GBE1: variants seen among roughly 807,000 people sequenced by gnomAD.
GBE1 encodes 1,4-alpha-glucan branching enzyme 1, also known as 1,4-alpha-glucan-branching enzyme.
Under a neutral mutation model 88.8 loss-of-function variants are expected in GBE1, and 70 were observed. The ratio of observed to expected loss-of-function variants is 0.79; its 90% CI spans 0.65 to 0.96. The LOEUF is 0.96. Among genes scored for constraint, GBE1 ranks in the 40% least tolerant of loss-of-function variants. The probability of loss-of-function intolerance (pLI) is 0.00; values close to 1 mark genes in which losing one functional copy is unlikely to be tolerated. For missense variants in GBE1, 872 were observed against 871.0 expected, an observed-to-expected ratio of 1.00 and a Z score of -0.01; for synonymous variants, 284 against 300.1, an observed-to-expected ratio of 0.95 and a Z score of 0.56.
chr3:81,490,304 G>C lies in GBE1; in HGVS notation c.*103C>G. The C allele has an allele frequency of 3.1e-6, 3 of 978,938 alleles. No homozygotes were observed. The South Asian group carries it at 4.2e-5, about 14-fold the overall frequency. 60.6% of individuals were successfully genotyped at this position (978,938 alleles called of 1,614,324 possible). On this transcript the variant is annotated 3_prime_UTR_variant, in exon 16 of 16. Transcript: ENST00000429644. Reference sequence around the variant, plus strand: ...TTTCAGACACTTGATGGCTTGGCTAGACAACTGTATTCTGAAAAGCATACA... The same window carrying C: ...TTTCAGACACTTGATGGCTTGGCTACACAACTGTATTCTGAAAAGCATACA...
At chr3:81,635,612 G>C (rs748458859) in intron 7 of GBE1, among the ~76,000 whole-genome samples, 19 of 152,164 alleles carry the variant, frequency 1.2e-4, no homozygotes, top group Non-Finnish European at 2.1e-4. Flanking sequence ...AAGCTGTTTT[G>C]CTACACCCAG....
intron 14 of GBE1, among the ~76,000 whole-genome samples, chr3:81,502,893 G>A (rs1198820234): frequency 1.3e-5 from 2 of 152,126 alleles, no homozygotes; most frequent in East Asian, 1.9e-4. Flanking sequence ...AACTACCTTC[G>A]TTATATGGTT....
chr3:81,540,702 T>C (rs914638485), intron 12 of GBE1, among the ~76,000 whole-genome samples: 2 of 152,092 alleles, frequency 1.3e-5, no homozygotes, highest in Non-Finnish European at 2.9e-5. Flanking sequence ...CAAGTATTAA[T>C]GTGCTTTGAA....
chr3:81,632,627 C>T (rs1343367890), intron 7 of GBE1, among the ~76,000 whole-genome samples: 2 of 152,076 alleles, frequency 1.3e-5, no homozygotes, highest in Non-Finnish European at 2.9e-5. Flanking sequence ...ATTAGTTCAA[C>T]CATTGTGGAC....
Position 81,684,806 on chromosome 3 carries a change from T to G in GBE1, c.314-13853A>C, listed in dbSNP as rs562677850. Among the ~76,000 whole-genome samples, 22 of 152,270 alleles carry G rather than the reference T, an allele frequency of 1.4e-4. No individual in the cohort carries two copies. In the South Asian group the frequency reaches 4.2e-3, roughly 29 times the overall value. On this transcript the variant is annotated intron_variant, in intron 2 of 15. Coordinates refer to ENST00000429644, the MANE Select transcript of GBE1 (RefSeq NM_000158.4). ...ACATTTTTGCAAGCCCTGAAAACAT[T>G]AGGCATGTCAATATAGCAGCTACAC...
intron 14 of GBE1, among the ~76,000 whole-genome samples, chr3:81,521,598 G>C (rs1180463456): frequency 2.0e-5 from 3 of 151,440 alleles, no homozygotes; most frequent in African/African-American, 4.8e-5. Context: ...GAAGAAAAAG[G>C]ACTCTTAAAG....
At chr3:81,664,501 C>T (rs1472330397) in intron 3 of GBE1, among the ~76,000 whole-genome samples, 4 of 148,830 alleles carry the variant, frequency 2.7e-5, no homozygotes, top group African/African-American at 9.9e-5. Context: ...TATGTCCAAA[C>T]CTGAGAGCAG....
At chr3:81,749,669 T>C (rs1173403995) in intron 1 of GBE1, among the ~76,000 whole-genome samples, 3 of 152,242 alleles carry the variant, frequency 2.0e-5, no homozygotes, top group African/African-American at 7.2e-5. Context: ...GTCAATCTCC[T>C]GGTTTTGATA....
intron 7 of GBE1, among the ~76,000 whole-genome samples, chr3:81,617,146 C>G (rs1395291269): frequency 6.6e-6 from 1 of 151,808 alleles, no homozygotes; most frequent in Non-Finnish European, 1.5e-5. Context: ...TCTATATATA[C>G]AATCATGTCA....
chr3:81,506,492 T>G (rs1289833756), intron 14 of GBE1, among the ~76,000 whole-genome samples: 1 of 152,146 alleles, frequency 6.6e-6, no homozygotes, highest in Non-Finnish European at 1.5e-5. Flanking sequence ...AGTTTGAACA[T>G]TGTGGAAGAC....
chr3:81,684,573 A>G (rs950806547), intron 2 of GBE1, among the ~76,000 whole-genome samples: 1 of 151,970 alleles, frequency 6.6e-6, no homozygotes, highest in Admixed American at 6.6e-5. Flanking sequence ...AGATCTAATT[A>G]CCTCCCAAAG....
chr3:81,700,341 T>G (rs977098798), intron 2 of GBE1, among the ~76,000 whole-genome samples: 6 of 152,160 alleles, frequency 3.9e-5, no homozygotes, highest in Admixed American at 2.0e-4. Flanking sequence ...TCAGTGTTTC[T>G]CAGACTATGG....
chr3:81,711,126 G>A (rs926912089), intron 1 of GBE1, among the ~76,000 whole-genome samples: 1 of 152,182 alleles, frequency 6.6e-6, no homozygotes, highest in Non-Finnish European at 1.5e-5. Flanking sequence ...TGTGAACACA[G>A]GAGACATCTC....
intron 11 of GBE1, 62 bp from the exon 12 acceptor site, chr3:81,578,158 C>A (rs1408333486): frequency 2.7e-6 from 3 of 1,112,604 alleles, no homozygotes; most frequent in Non-Finnish European, 2.6e-6. Context: ...TTGTGATTTA[C>A]AATAGAACAA....
At chr3:81,526,692 T>G (rs866413970) in intron 14 of GBE1, among the ~76,000 whole-genome samples, 1 of 152,072 alleles carries the variant, frequency 6.6e-6, no homozygotes, top group Non-Finnish European at 1.5e-5. Context: ...TAAGGAGAAC[T>G]ACAACCACTG....
At chr3:81,703,228 T>G (rs1002544914) in intron 2 of GBE1, among the ~76,000 whole-genome samples, 3 of 152,006 alleles carry the variant, frequency 2.0e-5, no homozygotes, top group African/African-American at 4.8e-5. Context: ...AAATATTGTG[T>G]TTATGTAAAA....
intron 2 of GBE1, among the ~76,000 whole-genome samples, chr3:81,685,447 T>C (rs1321959680): frequency 6.6e-6 from 1 of 152,084 alleles, no homozygotes; most frequent in African/African-American, 2.4e-5. Flanking sequence ...AATGGCATGA[T>C]CTCAGCTCAC....
At position 81,535,236 on chromosome 3, in the gene GBE1, C is replaced by T. The variant is rs373557947; in HGVS notation, c.1893G>A (p.Lys631=). The change falls in exon 14 of 16, where the codon AAG becomes AAA. Residue 631 remains lysine (K), a synonymous_variant. Transcript: ENST00000429644. ...LLFIFNFHPS[K]SYTDYRVGTA... Reference sequence around the variant, plus strand: ...TTCCAACTCGGTAGTCAGTGTAGCTCTTGCTTGGATGGAAGTTGAAAATGA... The same window carrying T: ...TTCCAACTCGGTAGTCAGTGTAGCTTTTGCTTGGATGGAAGTTGAAAATGA... The T allele has an allele frequency of 6.2e-7, 1 of 1,611,028 alleles. No individual in the cohort carries two copies. Among genetic ancestry groups the T allele is most frequent in the African/African-American group, 1.3e-5 (1 of 74,594 alleles).
intron 7 of GBE1, among the ~76,000 whole-genome samples, chr3:81,633,752 A>G (rs1458115003): frequency 1.3e-5 from 2 of 152,180 alleles, no homozygotes; most frequent in African/African-American, 4.8e-5. Flanking sequence ...CTATGAAGGT[A>G]TAGTTGTCCT....
Sources: gnomAD v4.1 joint callset for allele counts (sites outside exome capture counted in the v4.1 genomes callset) on GRCh38, gnomAD v4.1.1 for gene constraint, MANE v1.5 for transcripts, NCBI Gene and HGNC (gene_info 2026-07-23, HGNC 2026-07-21) for gene names.